SAMMSON: variants seen among roughly 807,000 people sequenced by gnomAD.
SAMMSON encodes the protein survival associated mitochondrial melanoma specific oncogenic non-coding RNA.
At chr3:70,220,770 A>G (rs1701454638) in intron 4 of SAMMSON, among the ~76,000 whole-genome samples, 1 of 152,182 alleles carries the variant, frequency 6.6e-6, no homozygotes, top group South Asian at 2.1e-4. Flanking sequence ...GCCCACCCTT[A>G]TGAAGATTTC....
chr3:70,267,603 A>G (rs1185608618), intron 6 of SAMMSON, among the ~76,000 whole-genome samples: 3 of 143,714 alleles, frequency 2.1e-5, no homozygotes, highest in African/African-American at 7.9e-5. Flanking sequence ...TTTTTAGTAA[A>G]GACGGGGTTT....
intron 4 of SAMMSON, among the ~76,000 whole-genome samples, chr3:70,136,377 T>C (rs552270596): frequency 2.4e-4 from 36 of 152,330 alleles, no homozygotes; most frequent in African/African-American, 7.9e-4. Context: ...CATGAGTACA[T>C]TGAGTGGATC....
At chr3:70,249,079 C>T (rs993848891) in intron 4 of SAMMSON, 1 of 152,138 alleles carries the variant, frequency 6.6e-6, no homozygotes, top group Non-Finnish European at 1.5e-5. Context: ...GTCCTTCTAA[C>T]CACAAAGTCC....
intron 4 of SAMMSON, among the ~76,000 whole-genome samples, chr3:70,158,424 G>A (rs1158349948): frequency 6.6e-6 from 1 of 151,868 alleles, no homozygotes; most frequent in Non-Finnish European, 1.5e-5. Context: ...CTGTTGTATG[G>A]TTATACCACA....
chr3:70,095,758 T>G (rs2067320886), intron 4 of SAMMSON, among the ~76,000 whole-genome samples: 2 of 152,112 alleles, frequency 1.3e-5, no homozygotes, highest in Admixed American at 1.3e-4. Flanking sequence ...CACAAATAAG[T>G]GCTATCTAAG....
Position 70,278,601 on chromosome 3 carries a change from G to A in SAMMSON, n.675-12578G>A, listed in dbSNP as rs1702050785. Reference sequence around the variant, plus strand: ...CAATATTGTTTTAATAGATTTGAATGCCTTTATTGACTACTTGCACAGAAA... The same window carrying A: ...CAATATTGTTTTAATAGATTTGAATACCTTTATTGACTACTTGCACAGAAA... On this transcript the variant is annotated intron_variant and non_coding_transcript_variant, in intron 6 of 9. Coordinates refer to ENST00000642114, the Ensembl canonical transcript of SAMMSON. Among the ~76,000 whole-genome samples, 3 of 152,126 alleles carry A rather than the reference G, an allele frequency of 2.0e-5. No individual in the cohort carries two copies. In the South Asian group the frequency reaches 6.2e-4, roughly 32 times the overall value.
intron 4 of SAMMSON, among the ~76,000 whole-genome samples, chr3:70,131,586 T>G (rs9818842): frequency 0.54 from 81,508 of 151,844 alleles, 22,856 homozygotes; most frequent in East Asian, 0.95. Flanking sequence ...CAAGGCAATA[T>G]AATTTGCAAT....
At chr3:70,418,971 TTCC>T (rs1701287863) in intron 2 of SAMMSON, among the ~76,000 whole-genome samples, 17 of 51,160 alleles carry the variant, frequency 3.3e-4, no homozygotes, top group African/African-American at 4.3e-4. Context: ...TTTCCTTTCC[TTCC>T]TTCCTTCTCT....
At chr3:70,418,999 C>CTCTCTCTCTCTCTTTCTT (rs1553664169) in intron 2 of SAMMSON, among the ~76,000 whole-genome samples, 2 of 119,294 alleles carry the variant, frequency 1.7e-5, no homozygotes, top group East Asian at 2.7e-4. Flanking sequence ...CTCTCTCTCT[C>CTCTCTCTCTCTCTTTCTT]TCTTTCTTTC....
At chr3:70,218,816 C>T (rs958550068) in intron 4 of SAMMSON, among the ~76,000 whole-genome samples, 4 of 152,074 alleles carry the variant, frequency 2.6e-5, no homozygotes, top group South Asian at 4.1e-4. Context: ...CTGTGCTTGG[C>T]GAAAGACCTA....
At chr3:70,138,508 A>G (rs1216725027) in intron 4 of SAMMSON, among the ~76,000 whole-genome samples, 1 of 152,144 alleles carries the variant, frequency 6.6e-6, no homozygotes, top group Admixed American at 6.5e-5. Context: ...CTAATCACTT[A>G]GCAAAGGCCC....
At chr3:70,423,169 TAAGA>T (rs1162370740) in intron 2 of SAMMSON, among the ~76,000 whole-genome samples, 2 of 152,026 alleles carry the variant, frequency 1.3e-5, no homozygotes, top group African/African-American at 4.8e-5. Context: ...AGACAAATAG[TAAGA>T]AAGAGCCAGA....
At chr3:70,306,138 C>G (rs922388329) in intron 7 of SAMMSON, among the ~76,000 whole-genome samples, 1 of 152,104 alleles carries the variant, frequency 6.6e-6, no homozygotes, top group African/African-American at 2.4e-5. Context: ...GAGTCTTGCT[C>G]TCTTACTCAG....
At chr3:70,166,315 T>C (rs1273403127) in intron 4 of SAMMSON, among the ~76,000 whole-genome samples, 1 of 152,002 alleles carries the variant, frequency 6.6e-6, no homozygotes, top group Non-Finnish European at 1.5e-5. Context: ...TGAGGCTTTG[T>C]GGTAAGTATT....
At chr3:70,295,463 G>C (rs1265058099) in intron 7 of SAMMSON, among the ~76,000 whole-genome samples, 2 of 152,046 alleles carry the variant, frequency 1.3e-5, no homozygotes, top group African/African-American at 4.8e-5. Context: ...TAGCACTTTG[G>C]GAGGCCGAGT....
At chr3:70,429,608 G>A (rs1329291083) in intron 2 of SAMMSON, among the ~76,000 whole-genome samples, 1 of 152,154 alleles carries the variant, frequency 6.6e-6, no homozygotes, top group East Asian at 1.9e-4. Flanking sequence ...AGCATTCAAT[G>A]TTTTACCATT....
intron 4 of SAMMSON, among the ~76,000 whole-genome samples, chr3:70,178,204 G>A (rs1390315461): frequency 6.6e-6 from 1 of 152,094 alleles, no homozygotes; most frequent in Non-Finnish European, 1.5e-5. Context: ...CAGCATTTCT[G>A]TAGCCAATGG....
chr3:70,321,191 A>G (rs575939778), intron 7 of SAMMSON, among the ~76,000 whole-genome samples: 2 of 152,194 alleles, frequency 1.3e-5, no homozygotes, highest in East Asian at 1.9e-4. Context: ...AATGATCACT[A>G]TAATCAAGAT....
intron 3 of SAMMSON, among the ~76,000 whole-genome samples, chr3:70,052,954 A>C (rs2067151833): frequency 6.6e-6 from 1 of 152,126 alleles, no homozygotes; most frequent in Non-Finnish European, 1.5e-5. Context: ...TCTACTTTAT[A>C]CATCTTGACT....
Sources: gnomAD v4.1 joint callset for allele counts (sites outside exome capture counted in the v4.1 genomes callset) on GRCh38, gnomAD v4.1.1 for gene constraint, MANE v1.5 for transcripts, NCBI Gene and HGNC (gene_info 2026-07-23, HGNC 2026-07-21) for gene names.